Variants in TTLL11 observed in about 807,000 individuals in gnomAD.
TTLL11 encodes the protein tubulin tyrosine ligase like 11.
In TTLL11, 42 loss-of-function variants were observed where a neutral mutation model predicts 51.7. The ratio of observed to expected loss-of-function variants is 0.81; its 90% CI spans 0.64 to 1.05. TTLL11 has a LOEUF of 1.05. TTLL11 is among the 50% of genes least tolerant of loss of function. The pLI is 0.00. For synonymous variants in TTLL11, 381 were observed against 383.5 expected, an observed-to-expected ratio of 0.99 and a Z score of 0.08; for missense variants, 799 against 940.4, an observed-to-expected ratio of 0.85 and a Z score of 1.97.
intron 3 of TTLL11, among the ~76,000 whole-genome samples, chr9:122,018,109 C>CCTT (rs1564360111): frequency 1.6e-5 from 2 of 121,572 alleles, no homozygotes. Context: ...AATAATGCCA[C>CCTT]TTTTTTTTTT....
At chr9:121,839,754 C>T (rs1242221397) in intron 8 of TTLL11, among the ~76,000 whole-genome samples, 1 of 152,200 alleles carries the variant, frequency 6.6e-6, no homozygotes, top group Non-Finnish European at 1.5e-5. Context: ...CAGCAGTTAA[C>T]TGGCGGGGCC....
intron 3 of TTLL11, among the ~76,000 whole-genome samples, chr9:122,027,849 T>C (rs576810749): frequency 6.6e-6 from 1 of 152,306 alleles, no homozygotes; most frequent in Non-Finnish European, 1.5e-5. Flanking sequence ...AGTAAATACA[T>C]GAGTGAGTAT....
chr9:122,091,551 T>C lies in TTLL11; in HGVS notation c.462+1136A>G, dbSNP rs540593095. The stretch of plus-strand genomic sequence containing the variant: ...TCCAAACCAAATGCACTTTTTCCTA[T>C]TGGGACATCAACCCTCTGACCACAT... On this transcript the variant is annotated intron_variant, in intron 1 of 8. Transcript: ENST00000321582. Among the ~76,000 whole-genome samples the C allele has an allele frequency of 1.8e-3, 269 of 152,338 alleles. 1 individual carries two copies. The highest frequency in any genetic ancestry group is 6.3e-3 in the African/African-American group (260 of 41,574).
intron 6 of TTLL11, among the ~76,000 whole-genome samples, chr9:121,889,932 G>C (rs547489766): frequency 3.9e-5 from 6 of 152,110 alleles, no homozygotes; most frequent in African/African-American, 1.4e-4. Flanking sequence ...AGGCTGGGGA[G>C]GAAAGTGGAA....
At chr9:122,028,996 A>G (rs910130776) in intron 3 of TTLL11, among the ~76,000 whole-genome samples, 2 of 152,206 alleles carry the variant, frequency 1.3e-5, no homozygotes, top group African/African-American at 4.8e-5. Flanking sequence ...TAACATACAA[A>G]AATTCCTGAG....
intron 1 of TTLL11, among the ~76,000 whole-genome samples, chr9:122,040,697 T>C (rs1231102448): frequency 6.6e-6 from 1 of 151,844 alleles, no homozygotes; most frequent in Non-Finnish European, 1.5e-5. Flanking sequence ...GACTCAATGC[T>C]TTCCATACAT....
chr9:121,844,510 G>A (rs1439287199), intron 8 of TTLL11, among the ~76,000 whole-genome samples: 6 of 152,070 alleles, frequency 3.9e-5, no homozygotes, highest in South Asian at 4.2e-4. Context: ...AATATACAGT[G>A]CAAAGAGACA....
At chr9:121,900,909 A>C (rs1401952005) in intron 6 of TTLL11, among the ~76,000 whole-genome samples, 1 of 152,092 alleles carries the variant, frequency 6.6e-6, no homozygotes, top group Non-Finnish European at 1.5e-5. Context: ...CCTGGACTCA[A>C]GTGGTCCTCC....
chr9:122,032,899 A>G (rs1170647004), intron 2 of TTLL11, among the ~76,000 whole-genome samples: 1 of 149,500 alleles, frequency 6.7e-6, no homozygotes, highest in African/African-American at 2.5e-5. Context: ...GGCTCAAGGG[A>G]TCCTCCCACC....
chr9:122,092,842 C>G lies in TTLL11; in HGVS notation c.307G>C (p.Gly103Arg), dbSNP rs749556583. 6.8e-5 allele frequency: 106 copies of G among 1,564,536 alleles called. No homozygotes were observed. Among genetic ancestry groups the G allele is most frequent in the Non-Finnish European group, 8.9e-5 (104 of 1,162,720 alleles). Reference protein sequence around the residue: ...PKPVQGLCPHGKPRDKGRSCK... With the variant: ...PKPVQGLCPHRKPRDKGRSCK... ...CTTCGGCCCTTGTCCCGGGGCTTCC[C>G]GTGCGGGCAGAGGCCCTGCACCGGC... Residue 103 changes from glycine to arginine, a missense_variant, in exon 1 of 9, where the codon GGG (glycine) becomes CGG (arginine). Coordinates refer to ENST00000321582, the MANE Select transcript of TTLL11 (RefSeq NM_001139442.2).
chr9:121,847,094 C>T (rs2131363647), intron 8 of TTLL11, among the ~76,000 whole-genome samples: 1 of 151,930 alleles, frequency 6.6e-6, no homozygotes, highest in African/African-American at 2.4e-5. Context: ...CCTATAGTCC[C>T]AGCTACTCGG....
In TTLL11 at chr9:121,893,350, A is replaced by ATGTGTGTGTGTG. The variant is rs57931102; in HGVS notation, c.1482-22614_1482-22603dup. Among the ~76,000 whole-genome samples, 3 of 149,988 alleles carry ATGTGTGTGTGTG rather than the reference A, an allele frequency of 2.0e-5. 1 individual carries two copies. In the East Asian group the frequency reaches 5.9e-4, roughly 29 times the overall value. ...TCTCTAGCCTTCTCCATGCATGCAT[A>ATGTGTGTGTGTG]TGTGTGTGTGTGTGTGTGTGAGGGG... On this transcript the variant is annotated intron_variant, in intron 6 of 8. Transcript: ENST00000321582.
chr9:121,826,174 A>AT (rs1564259876), intron 8 of TTLL11, among the ~76,000 whole-genome samples: 1 of 78,540 alleles, frequency 1.3e-5, no homozygotes. Flanking sequence ...ATATATATAT[A>AT]ACCAGTAACC....
intron 8 of TTLL11, among the ~76,000 whole-genome samples, chr9:121,824,853 T>G (rs1451370441): frequency 6.6e-5 from 10 of 152,194 alleles, no homozygotes; most frequent in Non-Finnish European, 1.5e-4. Context: ...CAGCCTGGCC[T>G]AGGGTTTGTA....
intron 2 of TTLL11, among the ~76,000 whole-genome samples, chr9:122,034,189 G>A (rs370025727): frequency 6.6e-5 from 10 of 152,324 alleles, no homozygotes; most frequent in African/African-American, 1.9e-4. Context: ...GTTCTCTTCC[G>A]AAATCCCTCA....
At chr9:121,990,489 C>T (rs931781902) in intron 3 of TTLL11, among the ~76,000 whole-genome samples, 3 of 152,284 alleles carry the variant, frequency 2.0e-5, no homozygotes, top group East Asian at 1.9e-4. Flanking sequence ...CCAGCTAACG[C>T]GGGGGCAGAA....
At chr9:122,025,136 TAATAAA>T (rs890531149) in intron 3 of TTLL11, among the ~76,000 whole-genome samples, 18 of 151,590 alleles carry the variant, frequency 1.2e-4, no homozygotes, top group Middle Eastern at 3.4e-3. Flanking sequence ...CAAAGCTCAA[TAATAAA>T]AATAAACAAC....
At chr9:121,843,176 A>T (rs1452314540) in intron 8 of TTLL11, among the ~76,000 whole-genome samples, 1 of 147,132 alleles carries the variant, frequency 6.8e-6, no homozygotes, top group Non-Finnish European at 1.5e-5. Flanking sequence ...ATCTTTATTT[A>T]AAAAAAAAAA....
intron 4 of TTLL11, among the ~76,000 whole-genome samples, chr9:121,976,496 G>A (rs1176476641): frequency 1.3e-5 from 2 of 151,924 alleles, no homozygotes; most frequent in Non-Finnish European, 2.9e-5. Context: ...ATAATTAATA[G>A]AACCCCAAAG....
Sources: allele counts gnomAD v4.1 joint callset (sites outside exome capture counted in the v4.1 genomes callset), GRCh38; gene constraint gnomAD v4.1.1; transcripts MANE v1.5; gene names NCBI Gene and HGNC (gene_info 2026-07-23, HGNC 2026-07-21).